PCDHA5: variants seen among roughly 807,000 people sequenced by gnomAD.
PCDHA5 encodes protocadherin alpha-5.
In PCDHA5, 43 loss-of-function variants were observed where a neutral mutation model predicts 61.6. The observed-to-expected ratio is 0.70, with a 90% CI of 0.55 to 0.90. The LOEUF (loss-of-function observed/expected upper bound fraction) is 0.90. PCDHA5 is among the 40% of genes least tolerant of loss of function. The pLI is 0.00. For missense variants in PCDHA5, 1,298 were observed against 1,222.7 expected (o/e 1.06, Z -0.92); for synonymous variants, 627 against 543.9 (o/e 1.15, Z -2.13).
chr5:140,876,551 A>G (rs781855200), intron 1 of PCDHA5: 1 of 1,614,184 alleles, frequency 6.2e-7, no homozygotes, highest in Admixed American at 1.7e-5. Context: ...CTCCCTGTGC[A>G]AGAGGATGCT....
intron 1 of PCDHA5, among the ~76,000 whole-genome samples, chr5:140,874,815 A>T (rs2055116009): frequency 6.6e-6 from 1 of 152,262 alleles, no homozygotes; most frequent in Non-Finnish European, 1.5e-5. Context: ...AAGACAATTT[A>T]TATAAATGAA....
intron 1 of PCDHA5, chr5:140,853,114 C>G: frequency 6.6e-6 from 3 of 456,918 alleles, no homozygotes; most frequent in Non-Finnish European, 8.8e-6. Flanking sequence ...CTCCTGACCT[C>G]ATGATCCTCC....
At position 140,897,120 on chromosome 5, in the gene PCDHA5, C is replaced by T. The variant is rs116233032; in HGVS notation, c.2352+72993C>T. Among the ~76,000 whole-genome samples, 1,215 of 152,248 alleles carry T rather than the reference C, an allele frequency of 8.0e-3. 5 individuals are homozygous for T. The highest frequency in any genetic ancestry group is 0.019 in the African/African-American group (784 of 41,540). On this transcript the variant is annotated intron_variant, in intron 1 of 3. Coordinates refer to ENST00000529859, the MANE Select transcript of PCDHA5 (RefSeq NM_018908.3). ...TAAAAATCTCCACTTTCTGTCCACA[C>T]CCCACTAAACTTTCTAGCCTTTGTT... is the stretch of plus-strand genomic sequence containing the variant.
intron 1 of PCDHA5, chr5:140,877,326 G>A: frequency 1.9e-6 from 3 of 1,613,964 alleles, no homozygotes. Flanking sequence ...CGGTCGGCGC[G>A]CACATCCCGT....
At chr5:140,934,029 T>A (rs1267400545) in intron 1 of PCDHA5, among the ~76,000 whole-genome samples, 1 of 152,114 alleles carries the variant, frequency 6.6e-6, no homozygotes, top group Admixed American at 6.5e-5. Flanking sequence ...GGAAGTAGTT[T>A]ATTAATGATA....
intron 1 of PCDHA5, among the ~76,000 whole-genome samples, chr5:140,840,242 T>G (rs113669357): frequency 0.011 from 1,735 of 152,166 alleles, 51 homozygotes; most frequent in African/African-American, 0.04. Context: ...AGAATCACTA[T>G]GCTATAAAAA....
At chr5:140,870,483 C>G (rs782740203) in intron 1 of PCDHA5, 10 of 1,614,240 alleles carry the variant, frequency 6.2e-6, no homozygotes, top group Middle Eastern at 1.6e-4. Context: ...CCGAGTACAC[C>G]GTGTTCGTGA....
In PCDHA5 at chr5:140,823,055, G is replaced by A; in HGVS notation, c.1280G>A (p.Arg427Gln). 6.2e-7 allele frequency: 1 copy of A among 1,614,176 alleles called. No individual in the cohort carries two copies. The highest frequency in any genetic ancestry group is 8.5e-7 in the Non-Finnish European group (1 of 1,180,050). Reference protein sequence around the residue: ...VSVYELVVTARDGGSPSLWAT... With the variant: ...VSVYELVVTAQDGGSPSLWAT... ...GTCTATGAGCTGGTGGTGACCGCGCGGGACGGGGGCTCGCCTTCGCTGTGG... is the reference window on the plus strand; with the variant it reads ...GTCTATGAGCTGGTGGTGACCGCGCAGGACGGGGGCTCGCCTTCGCTGTGG... Residue 427 changes from arginine to glutamine, a missense_variant, in exon 1 of 4, where the codon CGG becomes CAG. Physicochemically the swap from Arg to Gln is conservative, Grantham distance 43 (BLOSUM62 1). Coordinates refer to ENST00000529859, the MANE Select transcript of PCDHA5 (RefSeq NM_018908.3).
Position 140,822,701 on chromosome 5 carries a change from A to G in PCDHA5, c.926A>G (p.Tyr309Cys). ...ATAAAAGTTAACGGGGAACTGGATT[A>G]TGAAGACTATAACTCATATGAAATT... ...GEIKVNGELD[Y>C]EDYNSYEINI... The change falls in exon 1 of 4, where the codon TAT (tyrosine) becomes TGT (cysteine). Residue 309 changes from tyrosine (Y) to cysteine (C), a missense_variant. Transcript: ENST00000529859. The G allele has an allele frequency of 3.7e-6, 6 of 1,610,678 alleles. No individual in the cohort carries two copies. The highest frequency in any genetic ancestry group is 5.1e-6 in the Non-Finnish European group (6 of 1,176,936).
chr5:140,963,233 G>C (rs151988), intron 1 of PCDHA5, among the ~76,000 whole-genome samples: 50,230 of 151,972 alleles, frequency 0.33, 8,535 homozygotes, highest in East Asian at 0.53. Context: ...GACACTGTTT[G>C]ATGGATTAGG....
intron 1 of PCDHA5, chr5:140,841,898 G>A: frequency 1.9e-6 from 3 of 1,613,824 alleles, no homozygotes; most frequent in African/African-American, 1.3e-5. Context: ...TAAACTGGTT[G>A]AGCTCGTATT....
At chr5:140,906,926 T>C (rs1217312413) in intron 1 of PCDHA5, among the ~76,000 whole-genome samples, 1 of 152,194 alleles carries the variant, frequency 6.6e-6, no homozygotes, top group Non-Finnish European at 1.5e-5. Flanking sequence ...CCAAAAAGTG[T>C]CCCGGTGTCA....
In PCDHA5 at chr5:140,986,535, G is replaced by A. The variant is rs552843991; in HGVS notation, c.2500+3972G>A. Among the ~76,000 whole-genome samples, 134 of 152,300 alleles carry A rather than the reference G, an allele frequency of 8.8e-4. 1 individual carries two copies. Among genetic ancestry groups the A allele is most frequent in the Non-Finnish European group, 1.4e-3 (98 of 68,024 alleles). Reference sequence around the variant, plus strand: ...CCCTGCCTGTGAGGGAACTGGCCTGGCTTCAGTGGGCCAGGCTGCTTTGTT... The same window carrying A: ...CCCTGCCTGTGAGGGAACTGGCCTGACTTCAGTGGGCCAGGCTGCTTTGTT... On this transcript the variant is annotated intron_variant, in intron 3 of 3. Transcript: ENST00000529859.
intron 1 of PCDHA5, chr5:140,930,379 G>A (rs1249793792): frequency 1.3e-5 from 2 of 151,896 alleles, no homozygotes; most frequent in African/African-American, 2.4e-5. Context: ...GTGGCCCTTG[G>A]CATTTCAAAA....
At chr5:140,888,870 A>G (rs2062015576) in intron 1 of PCDHA5, among the ~76,000 whole-genome samples, 1 of 152,158 alleles carries the variant, frequency 6.6e-6, no homozygotes, top group Non-Finnish European at 1.5e-5. Flanking sequence ...ATGTCTCAAC[A>G]TAAAAATTAA....
Position 140,964,245 on chromosome 5 carries a change from T to C in PCDHA5, c.2353-14704T>C, listed in dbSNP as rs549634734. On this transcript the variant is annotated intron_variant, in intron 1 of 3. Transcript: ENST00000529859. ...TCAAAATGAGGCTGATTGTGTTGGC[T>C]TTATATTTGACTCCTTAATAATTAA... is the stretch of plus-strand genomic sequence containing the variant. Among the ~76,000 whole-genome samples, 6 of 152,346 alleles carry C rather than the reference T, an allele frequency of 3.9e-5. No individual in the cohort carries two copies. In the East Asian group the frequency reaches 1.2e-3, roughly 29 times the overall value.
intron 1 of PCDHA5, among the ~76,000 whole-genome samples, chr5:140,885,158 T>C (rs1250241606): frequency 6.6e-6 from 1 of 152,198 alleles, no homozygotes; most frequent in African/African-American, 2.4e-5. Flanking sequence ...TGATTGTCTC[T>C]ACTTTTTTGT....
chr5:140,964,930 G>A (rs1480159584), intron 1 of PCDHA5, among the ~76,000 whole-genome samples: 12 of 152,306 alleles, frequency 7.9e-5, no homozygotes, highest in Middle Eastern at 3.4e-3. Flanking sequence ...CTAGGTAGTG[G>A]AGCATTGATA....
intron 1 of PCDHA5, among the ~76,000 whole-genome samples, chr5:140,896,320 C>G (rs1583228292): frequency 6.6e-6 from 1 of 152,182 alleles, no homozygotes; most frequent in Non-Finnish European, 1.5e-5. Context: ...CTGCTTTCCA[C>G]AGTGGCTAAA....
Sources: gnomAD v4.1 joint callset for allele counts (sites outside exome capture counted in the v4.1 genomes callset) on GRCh38, gnomAD v4.1.1 for gene constraint, MANE v1.5 for transcripts, NCBI Gene and HGNC (gene_info 2026-07-23, HGNC 2026-07-21) for gene names.